FBH1: variants seen among roughly 807,000 people sequenced by gnomAD.
The protein encoded by FBH1 is F-box DNA helicase 1, also known as DNA 3'-5' helicase 1.
Under a neutral mutation model 115.5 loss-of-function variants are expected in FBH1, and 43 were observed. The ratio of observed to expected loss-of-function variants is 0.37; its 90% CI spans 0.29 to 0.48. The LOEUF (loss-of-function observed/expected upper bound fraction) is 0.48, where lower values mean the gene tolerates loss of function less well. Among genes scored for constraint, FBH1 ranks in the 20% least tolerant of loss-of-function variants. The pLI is 0.99. For missense variants in FBH1, 1,001 were observed against 1,337.3 expected (o/e 0.75, Z 3.92); for synonymous variants, 524 against 507.8 (o/e 1.03, Z -0.43).
At position 5,909,142 on chromosome 10, in the gene FBH1, C is replaced by T; in HGVS notation, c.885-17C>T. ...ATGGTCACCCTACTCATGGCCTCTC[C>T]TGTGAATGTCTTACAGATACACAGC... On this transcript the variant is annotated splice_polypyrimidine_tract_variant and intron_variant, in intron 4 of 20. Transcript: ENST00000362091. This position sits in a 1 kb window ranked among gnomAD's most constrained non-coding sequence, Gnocchi z 4.4. 1 of 1,613,562 alleles carries T rather than the reference C, an allele frequency of 6.2e-7. No homozygotes were observed.
At chr10:5,896,874 C>T (rs778409810) in intron 1 of FBH1, among the ~76,000 whole-genome samples, 15 of 152,054 alleles carry the variant, frequency 9.9e-5, no homozygotes, top group South Asian at 2.1e-4. Flanking sequence ...GGGAGGCATA[C>T]CATGAGCTTT....
chr10:5,908,753 T>C (rs1054000875), intron 3 of FBH1, among the ~76,000 whole-genome samples, 172 bp from the exon 4 acceptor site: 12 of 152,146 alleles, frequency 7.9e-5, no homozygotes, highest in African/African-American at 2.7e-4. Flanking sequence ...ACTACAGGCA[T>C]GTGCCATCAT....
chr10:5,908,653 G>A (rs973277059), intron 3 of FBH1, among the ~76,000 whole-genome samples: 2 of 150,640 alleles, frequency 1.3e-5, no homozygotes, highest in African/African-American at 4.9e-5. Context: ...CCAGGCTAGC[G>A]TGCACTGCAG....
At position 5,936,338 on chromosome 10, in the gene FBH1, T is replaced by TC; in HGVS notation, c.2830-117dup. The TC allele has an allele frequency of 9.8e-6, 12 of 1,230,230 alleles. No homozygotes were observed. Among genetic ancestry groups the TC allele is most frequent in the Non-Finnish European group, 1.4e-5 (12 of 881,370 alleles). 76.2% of individuals were successfully genotyped at this position (1,230,230 alleles called of 1,614,324 possible). On this transcript the variant is annotated intron_variant, in intron 19 of 20. Coordinates refer to ENST00000362091, the MANE Select transcript of FBH1 (RefSeq NM_178150.3). The surrounding 1 kb of genome is among the most constrained non-coding windows in gnomAD (Gnocchi z 5.6). The stretch of plus-strand genomic sequence containing the variant: ...GGGAGAACGGGTTAGGCGGGGTTTT[T>TC]CTCTCTGGGACTTACAGTGCATCTA...
Position 5,910,971 on chromosome 10 carries a change from G to A in FBH1, c.1054G>A (p.Val352Met), listed in dbSNP as rs1230333406. 3 of 1,611,820 alleles carry A rather than the reference G, an allele frequency of 1.9e-6. No homozygotes were observed. Among genetic ancestry groups the A allele is most frequent in the Non-Finnish European group, 1.7e-6 (2 of 1,179,934 alleles). ...VNIWALVAAV[V>M]LLSSSVNDIQ... is the part of the protein sequence containing the mutation. ...CATCTGGGCCCTGGTGGCGGCTGTG[G>A]TGCTCCTCTCCAGCAGTGTGAATGA... Residue 352 changes from valine (V) to methionine (M), a missense_variant, in exon 6 of 21, where the codon GTG becomes ATG. Around this residue, in one of 4 missense-constraint regions of FBH1, gnomAD observed 59 missense variants for 79.7 expected, o/e 0.74. Transcript: ENST00000362091. The surrounding 1 kb of genome is among the most constrained non-coding windows in gnomAD (Gnocchi z 4.8).
rs375345708 is a variant in FBH1 at position 5,925,556 on chromosome 10, C to G, written c.2722+64C>G. 6.3e-7 allele frequency: 1 copy of G among 1,596,420 alleles called. No homozygotes were observed. On this transcript the variant is annotated intron_variant, in intron 18 of 20. Coordinates refer to ENST00000362091, the MANE Select transcript of FBH1 (RefSeq NM_178150.3). This position sits in a 1 kb window ranked among gnomAD's most constrained non-coding sequence, Gnocchi z 4.6. ...TAGTGAGTGGTGACTGGAATGCTTC[C>G]TTTGCACGGCCTTGTTGTTTGTTGG... is the stretch of plus-strand genomic sequence containing the variant.
At position 5,937,347 on chromosome 10, in the gene FBH1, G is replaced by A. The variant is rs542947807; in HGVS notation, c.*67G>A. 91 of 1,415,912 alleles carry A rather than the reference G, an allele frequency of 6.4e-5. No homozygotes were observed. The highest frequency in any genetic ancestry group is 8.7e-5 in the African/African-American group (6 of 68,752). 87.7% of individuals were successfully genotyped at this position (1,415,912 alleles called of 1,614,324 possible). On this transcript the variant is annotated 3_prime_UTR_variant, in exon 21 of 21. Transcript: ENST00000362091. ...AGGACCCCGCGTGAAGAAAGCCAGC[G>A]AGGGGGGCTTCTGCTCCCTGAGACT...
At chr10:5,894,249 A>G (rs1842888614) in intron 1 of FBH1, 3 of 1,398,748 alleles carry the variant, frequency 2.1e-6, no homozygotes, top group Middle Eastern at 2.6e-4. Flanking sequence ...AAGTTTTTCC[A>G]TTTCGGGTCT....
At chr10:5,912,707 C>T (rs1831678847) in intron 6 of FBH1, among the ~76,000 whole-genome samples, 1 of 152,234 alleles carries the variant, frequency 6.6e-6, no homozygotes, top group Non-Finnish European at 1.5e-5. Flanking sequence ...GGAGAGAACA[C>T]TGGCGTCTCC....
intron 3 of FBH1, among the ~76,000 whole-genome samples, chr10:5,907,234 G>A (rs1182212408): frequency 1.3e-5 from 2 of 152,162 alleles, no homozygotes; most frequent in Non-Finnish European, 2.9e-5. Flanking sequence ...CCAAGTGCTG[G>A]GGTTACAGGC....
Position 5,923,812 on chromosome 10 carries a change from A to G in FBH1, c.2398+116A>G. On this transcript the variant is annotated intron_variant, in intron 16 of 20. Transcript: ENST00000362091. This position sits in a 1 kb window ranked among gnomAD's most constrained non-coding sequence, Gnocchi z 5.7. ...GTTTCCCTCCAGAGAAGGGCGAGCT[A>G]GTGTTGCTGTCTTCCCATGACGAGG... The G allele has an allele frequency of 1.1e-6, 1 of 928,732 alleles. No homozygotes were observed. Among genetic ancestry groups the G allele is most frequent in the Non-Finnish European group, 1.7e-6 (1 of 603,126 alleles). The allele number at this position is 928,732 out of a possible 1,614,324, so 57.5% of individuals were successfully genotyped here. A position where few individuals can be genotyped will look rare whatever the true frequency, so the allele number is the denominator to read the frequency against.
In FBH1 at chr10:5,932,081, A is replaced by C. The variant is rs565666731; in HGVS notation, c.2830-4375A>C. ...AGAATCGCGTGAACCCAGGAGGCGG[A>C]GATTGCAGTGAGCTGAGATTGTGCC... On this transcript the variant is annotated intron_variant, in intron 19 of 20. Transcript: ENST00000362091. The surrounding 1 kb of genome is among the most constrained non-coding windows in gnomAD (Gnocchi z 5.9). Among the ~76,000 whole-genome samples, 2 of 152,344 alleles carry C rather than the reference A, an allele frequency of 1.3e-5. No individual in the cohort carries two copies. Among genetic ancestry groups the C allele is most frequent in the East Asian group, 3.9e-4 (2 of 5,188 alleles).
chr10:5,937,531 A>T lies in FBH1; in HGVS notation c.*251A>T, dbSNP rs1471513089. 9.4e-6 allele frequency: 3 copies of T among 317,916 alleles called. No homozygotes were observed. Among genetic ancestry groups the T allele is most frequent in the African/African-American group, 6.4e-5 (3 of 46,782 alleles). 19.7% of individuals were successfully genotyped at this position (317,916 alleles called of 1,614,324 possible). On this transcript the variant is annotated 3_prime_UTR_variant, in exon 21 of 21. Coordinates refer to ENST00000362091, the MANE Select transcript of FBH1 (RefSeq NM_178150.3). ...TGTTCTTTTGATAAAAAAAAAAAAA[A>T]AAATTTATGTATTTAAACTTTTATT... is the stretch of plus-strand genomic sequence containing the variant.
At chr10:5,919,743 C>T (rs575818668) in intron 13 of FBH1, among the ~76,000 whole-genome samples, 7 of 152,200 alleles carry the variant, frequency 4.6e-5, no homozygotes, top group African/African-American at 9.7e-5. Context: ...GTTCCGTAGA[C>T]GCCTCTGTGA....
At chr10:5,903,761 A>G (rs1227694977) in intron 2 of FBH1, among the ~76,000 whole-genome samples, 2 of 152,150 alleles carry the variant, frequency 1.3e-5, no homozygotes, top group African/African-American at 4.8e-5. Context: ...TCTTATTCCA[A>G]TCCAGAAACA....
At chr10:5,903,201 T>C (rs1458309120) in intron 2 of FBH1, 26 bp downstream of exon 2, 1 of 1,570,388 alleles carries the variant, frequency 6.4e-7, no homozygotes, top group East Asian at 2.3e-5. Flanking sequence ...AACTCTTGCA[T>C]TTCAAAACCT....
In FBH1 at chr10:5,935,192, A is replaced by G. The variant is rs1415687642; in HGVS notation, c.2830-1264A>G. On this transcript the variant is annotated intron_variant, in intron 19 of 20. Transcript: ENST00000362091. This position sits in a 1 kb window ranked among gnomAD's most constrained non-coding sequence, Gnocchi z 5.2. Reference sequence around the variant, plus strand: ...AAACGGCTTGAGAGCCTAGCCCTGGAGAAACTTCTGGAGTGGACAGGGAGT... The same window carrying G: ...AAACGGCTTGAGAGCCTAGCCCTGGGGAAACTTCTGGAGTGGACAGGGAGT... The G allele has an allele frequency of 6.6e-6, 1 of 152,238 alleles. No individual in the cohort carries two copies. Among genetic ancestry groups the G allele is most frequent in the Non-Finnish European group, 1.5e-5 (1 of 68,046 alleles). 9.4% of individuals were successfully genotyped at this position (152,238 alleles called of 1,614,324 possible).
At chr10:5,908,402 C>T (rs920460535) in intron 3 of FBH1, among the ~76,000 whole-genome samples, 1 of 152,170 alleles carries the variant, frequency 6.6e-6, no homozygotes, top group African/African-American at 2.4e-5. Context: ...GACAGGGAAA[C>T]TGAAGCTATA....
At chr10:5,898,325 G>A (rs1843128607) in intron 1 of FBH1, among the ~76,000 whole-genome samples, 1 of 152,156 alleles carries the variant, frequency 6.6e-6, no homozygotes, top group Non-Finnish European at 1.5e-5. Flanking sequence ...CAGGAGTAAG[G>A]GAGCTCTCTG....
Sources: allele counts gnomAD v4.1 joint callset (sites outside exome capture counted in the v4.1 genomes callset), GRCh38; gene constraint gnomAD v4.1.1; regional missense constraint gnomAD v4.1.1; non-coding constraint Gnocchi (gnomAD v3.1); transcripts MANE v1.5; gene names NCBI Gene and HGNC (gene_info 2026-07-23, HGNC 2026-07-21).